The following RNF213 variants were observed in gnomAD, a reference collection of about 807,000 sequenced individuals.
The protein encoded by RNF213 is E3 ubiquitin-protein ligase RNF213.
Under a neutral mutation model 514.4 loss-of-function variants are expected in RNF213, and 341 were observed. The observed-to-expected ratio is 0.66, with a 90% CI of 0.61 to 0.73. The LOEUF is 0.73. Among genes scored for constraint, RNF213 ranks in the 30% least tolerant of loss-of-function variants. RNF213 has a pLI of 0.00. For synonymous variants in RNF213, 2,655 were observed against 2,658.2 expected (o/e 1.00, Z 0.04); for missense variants, 5,767 against 6,615.6 (o/e 0.87, Z 4.45).
In RNF213 at chr17:80,361,907, G is replaced by C. The variant is rs763170280; in HGVS notation, c.11355+19G>C. ...ATTAAAGGTAGATGTTTAGATACTG[G>C]CTAAGGGTCAGGTGTAGAGCTTGCA... On this transcript the variant is annotated intron_variant, in intron 39 of 67. Coordinates refer to ENST00000582970, the MANE Select transcript of RNF213 (RefSeq NM_001256071.3). 2 of 1,607,966 alleles carry C rather than the reference G, an allele frequency of 1.2e-6. No individual in the cohort carries two copies. Among genetic ancestry groups the C allele is most frequent in the African/African-American group, 1.3e-5 (1 of 74,756 alleles).
At chr17:80,298,219 G>A (rs1168488052) in intron 10 of RNF213, 102 bp from the exon 11 acceptor site, 2 of 1,224,632 alleles carry the variant, frequency 1.6e-6, no homozygotes, top group East Asian at 5.0e-5. Flanking sequence ...TGCTCCTCTT[G>A]CTCTGTGTGC....
At chr17:80,319,799 G>A (rs965415401) in intron 17 of RNF213, 12 of 1,227,300 alleles carry the variant, frequency 9.8e-6, no homozygotes, top group Non-Finnish European at 1.2e-5. Context: ...CCCAGGAACA[G>A]TCTCGCAGGC....
In RNF213 at chr17:80,334,203, G is replaced by A. The variant is rs890763871; in HGVS notation, c.4242G>A (p.Arg1414=). 2 of 1,537,270 alleles carry A rather than the reference G, an allele frequency of 1.3e-6. No homozygotes were observed. The highest frequency in any genetic ancestry group is 1.7e-6 in the Non-Finnish European group (2 of 1,146,912). ...TGCTCCAGGACATCAGCGAGGCCCG[G>A]TGCAAGGGGCTGCAGGCTCTGTCCC... ...KKLLQDISEA[R]CKGLQALSLR... Residue 1414 remains arginine, a synonymous_variant, in exon 22 of 68, where the codon CGG becomes CGA. Transcript: ENST00000582970.
rs759078459 is a variant in RNF213, at chr17:80,347,815, C to T, written c.9480C>T (p.His3160=). The change falls in exon 29 of 68, where the codon CAC becomes CAT. Residue 3160 remains histidine (H), a synonymous_variant. Transcript: ENST00000582970. This position sits in a 1 kb window ranked among gnomAD's most constrained non-coding sequence, Gnocchi z 7.2. ...VIEEKDVVYK[H]FPIPLINRLE... is the part of the protein sequence containing the mutation. The stretch of plus-strand genomic sequence containing the variant: ...AAGAGAAAGACGTCGTGTACAAACA[C>T]TTTCCCATCCCCCTCATTAACCGGC... The T allele has an allele frequency of 4.3e-6, 7 of 1,614,176 alleles. No homozygotes were observed. Among genetic ancestry groups the T allele is most frequent in the Middle Eastern group, 1.6e-4 (1 of 6,062 alleles).
chr17:80,313,819 T>A (rs1426475729), intron 15 of RNF213, among the ~76,000 whole-genome samples: 43 of 50,876 alleles, frequency 8.5e-4, no homozygotes, highest in Non-Finnish European at 1.3e-3. Context: ...ATGGAGGTGA[T>A]GGTGGTGGTG....
In RNF213 at chr17:80,363,253, C is replaced by T. The variant is rs1463761937; in HGVS notation, c.11507C>T (p.Pro3836Leu). ...QNFSRILTIY[P>L]QVLHSLMEAR... ...TTTTCCAGAATCCTGACCATCTACCCTCAGGTTCTCCACAGCCTGATGGAA... is the reference window on the plus strand; with the variant it reads ...TTTTCCAGAATCCTGACCATCTACCTTCAGGTTCTCCACAGCCTGATGGAA... Residue 3836 changes from proline to leucine, a missense_variant, in exon 40 of 68, where the codon CCT (proline) becomes CTT (leucine). Pro to Leu is a moderately conservative substitution (Grantham distance 98). This residue lies in a region of RNF213 where 355 missense variants were observed against 358.0 expected (regional missense o/e 0.99). Coordinates refer to ENST00000582970, the MANE Select transcript of RNF213 (RefSeq NM_001256071.3). The T allele has an allele frequency of 6.2e-7, 1 of 1,614,128 alleles. No homozygotes were observed. The highest frequency in any genetic ancestry group is 8.5e-7 in the Non-Finnish European group (1 of 1,180,036).
In RNF213 at chr17:80,342,536, TTCTC is replaced by T. The variant is rs147286130; in HGVS notation, c.5990-580_5990-577del. Among the ~76,000 whole-genome samples the T allele has an allele frequency of 1.5e-4, 22 of 147,022 alleles. 1 individual carries two copies. The highest frequency in any genetic ancestry group is 9.9e-4 in the East Asian group (5 of 5,068). ...TTGTCCTAGCCCTGGGACTTAATTT[TTCTC>T]TCTCTCTCTCTCTCTATTTTTATAT... On this transcript the variant is annotated intron_variant, in intron 26 of 67. Coordinates refer to ENST00000582970, the MANE Select transcript of RNF213 (RefSeq NM_001256071.3).
Position 80,298,452 on chromosome 17 carries a change from C to T in RNF213, c.2144C>T (p.Pro715Leu), listed in dbSNP as rs2045043478. ...APRHKDAWRQPEDTWAALEGL... is the reference protein window; with the variant it reads ...APRHKDAWRQLEDTWAALEGL... ...CGGCACAAGGATGCCTGGAGACAGC[C>T]TGAGGACACCTGGGCCGCTCTGGAG... The change falls in exon 11 of 68, where the codon CCT becomes CTT. Residue 715 changes from proline (P) to leucine (L), a missense_variant. Around this residue, in one of 13 missense-constraint regions of RNF213, gnomAD observed 592 missense variants for 673.9 expected, o/e 0.88. Coordinates refer to ENST00000582970, the MANE Select transcript of RNF213 (RefSeq NM_001256071.3). The T allele has an allele frequency of 6.2e-7, 1 of 1,614,194 alleles. No individual in the cohort carries two copies. The highest frequency in any genetic ancestry group is 2.2e-5 in the East Asian group (1 of 44,882).
Position 80,340,199 on chromosome 17 carries a change from C to T in RNF213, c.5832C>T (p.Ser1944=). ...ACTGCTACCTCCCCTCTGCCTTCAGCCAGCACAAGGTCTTCGTCACCCCCC... is the reference window on the plus strand; with the variant it reads ...ACTGCTACCTCCCCTCTGCCTTCAGTCAGCACAAGGTCTTCGTCACCCCCC... ...WEHCYLPSAF[S]QHKVFVTPQA... is the part of the protein sequence containing the mutation. The change falls in exon 26 of 68, where the codon AGC becomes AGT. Residue 1944 remains serine (S), a synonymous_variant. Coordinates refer to ENST00000582970, the MANE Select transcript of RNF213 (RefSeq NM_001256071.3). The T allele has an allele frequency of 1.9e-6, 3 of 1,614,154 alleles. No individual in the cohort carries two copies. The highest frequency in any genetic ancestry group is 2.5e-6 in the Non-Finnish European group (3 of 1,180,016).
At chr17:80,351,180 CTT>C (rs1414371856) in intron 31 of RNF213, among the ~76,000 whole-genome samples, 1 of 152,184 alleles carries the variant, frequency 6.6e-6, no homozygotes, top group Admixed American at 6.5e-5. Flanking sequence ...GCACAGAACT[CTT>C]TGTTGAAATG....
At chr17:80,267,461 A>G (rs748813859) in intron 2 of RNF213, among the ~76,000 whole-genome samples, 8 of 151,984 alleles carry the variant, frequency 5.3e-5, no homozygotes, top group Non-Finnish European at 1.0e-4. Context: ...AAAAAGTGCT[A>G]CTCCAATGAA....
rs901415716 is a variant in RNF213, at chr17:80,263,922, C to G, written c.97+144C>G. 4 of 672,210 alleles carry G rather than the reference C, an allele frequency of 6.0e-6. No homozygotes were observed. Among genetic ancestry groups the G allele is most frequent in the Non-Finnish European group, 1.1e-5 (4 of 377,978 alleles). 41.6% of individuals were successfully genotyped at this position (672,210 alleles called of 1,614,324 possible). A position where few individuals can be genotyped will look rare whatever the true frequency, so the allele number is the denominator to read the frequency against. ...CTGTGGCTACTGAGGCTCTGTGGCT[C>G]TGAATAGCCATCTCAAAAGTGACCA... On this transcript the variant is annotated intron_variant, in intron 2 of 67. Coordinates refer to ENST00000582970, the MANE Select transcript of RNF213 (RefSeq NM_001256071.3). The surrounding 1 kb of genome is among the most constrained non-coding windows in gnomAD (Gnocchi z 4.9).
chr17:80,374,539 G>C lies in RNF213; in HGVS notation c.13024G>C (p.Ala4342Pro), dbSNP rs771768618. The C allele has an allele frequency of 6.2e-7, 1 of 1,614,202 alleles. No individual in the cohort carries two copies. The highest frequency in any genetic ancestry group is 2.2e-5 in the East Asian group (1 of 44,894). ...DEYKALRDAV[A>P]KAVLECKPLG... ...ATACAAGGCTCTCCGTGATGCTGTG[G>C]CCAAAGCTGTCCTCGAGTGCAAGCC... Residue 4342 changes from alanine (A) to proline (P), a missense_variant, in exon 50 of 68, where the codon GCC becomes CCC. By Grantham distance (27) the Ala-to-Pro change is conservative. Transcript: ENST00000582970.
chr17:80,286,988 C>G (rs898476756), intron 3 of RNF213, among the ~76,000 whole-genome samples: 9 of 152,198 alleles, frequency 5.9e-5, no homozygotes, highest in Non-Finnish European at 8.8e-5. Flanking sequence ...TTAGTCTCAT[C>G]CTTCTCATTT....
At chr17:80,311,307 C>T (rs943070400) in intron 14 of RNF213, among the ~76,000 whole-genome samples, 10 of 152,216 alleles carry the variant, frequency 6.6e-5, no homozygotes, top group Non-Finnish European at 1.5e-4. Context: ...CCAGGGTTGA[C>T]GGACACTTGG....
At position 80,372,626 on chromosome 17, in the gene RNF213, C is replaced by T. The variant is rs776022162; in HGVS notation, c.12643C>T (p.Arg4215Ter). ...LKAYSPASRG[R>*]EPANEASVEY... ...GGCATATTCTCCAGCAAGCCGGGGC[C>T]GAGAGCCTGCCAACGAGGCCTCGGT... The change falls in exon 48 of 68, where the codon CGA becomes TGA. Residue 4215 changes from arginine to a stop codon, truncating the protein, a stop_gained. Transcript: ENST00000582970. LOFTEE classifies it high-confidence loss of function. The T allele has an allele frequency of 8.7e-6, 14 of 1,613,906 alleles. No homozygotes were observed. The highest frequency in any genetic ancestry group is 1.7e-5 in the Admixed American group (1 of 59,986).
chr17:80,337,742 C>A lies in RNF213; in HGVS notation c.4668+16C>A. ...TGGCCAAAAGGTGAGCGGTCCCCAG[C>A]CCTCGGCGCAGCTGCGGCCCTTCTG... On this transcript the variant is annotated intron_variant, in intron 24 of 67. Transcript: ENST00000582970. 1 of 1,537,290 alleles carries A rather than the reference C, an allele frequency of 6.5e-7. No individual in the cohort carries two copies. The highest frequency in any genetic ancestry group is 8.7e-7 in the Non-Finnish European group (1 of 1,146,918).
intron 23 of RNF213, 141 bp from the exon 24 acceptor site, chr17:80,337,445 G>A: frequency 9.2e-7 from 1 of 1,092,736 alleles, no homozygotes; most frequent in Non-Finnish European, 1.3e-6. Flanking sequence ...GGCGCTGGGT[G>A]GGCGACTGCG....
Position 80,309,126 on chromosome 17 carries a change from A to G in RNF213, c.2610A>G (p.Leu870=), listed in dbSNP as rs1400901669. ...TTAAGTTTTACGAGCTGCCAGCCTTATCTGCCGAGATTGTCTGCAGAATGA... is the reference window on the plus strand; with the variant it reads ...TTAAGTTTTACGAGCTGCCAGCCTTGTCTGCCGAGATTGTCTGCAGAATGA... The part of the protein sequence containing the change: ...KLLKFYELPA[L]SAEIVCRMIR... Residue 870 remains leucine (L), a synonymous_variant, in exon 14 of 68, where the codon TTA becomes TTG. Coordinates refer to ENST00000582970, the MANE Select transcript of RNF213 (RefSeq NM_001256071.3). 1.2e-6 allele frequency: 2 copies of G among 1,614,056 alleles called. No individual in the cohort carries two copies. Among genetic ancestry groups the G allele is most frequent in the Non-Finnish European group, 1.7e-6 (2 of 1,180,034 alleles).
Sources: gnomAD v4.1 joint callset for allele counts (sites outside exome capture counted in the v4.1 genomes callset) on GRCh38, gnomAD v4.1.1 for gene constraint, gnomAD v4.1.1 regional missense constraint, Gnocchi (gnomAD v3.1) non-coding constraint, MANE v1.5 for transcripts, NCBI Gene and HGNC (gene_info 2026-07-23, HGNC 2026-07-21) for gene names.